ARHGEF3: variants seen among roughly 807,000 people sequenced by gnomAD.
The protein encoded by ARHGEF3 is 59.8 kDA protein.
Under a neutral mutation model 63.2 loss-of-function variants are expected in ARHGEF3, and 28 were observed. The observed-to-expected ratio is 0.44, with a 90% CI of 0.33 to 0.61. The LOEUF is 0.61. Ranked by LOEUF, ARHGEF3 falls within the 20% of genes least tolerant of loss-of-function variation. The pLI is 0.03. For missense variants in ARHGEF3, 533 were observed against 659.3 expected (o/e 0.81, Z 2.10); for synonymous variants, 266 against 254.2 (o/e 1.05, Z -0.44).
At chr3:56,948,732 C>G (rs1486939991) in intron 3 of ARHGEF3, among the ~76,000 whole-genome samples, 2 of 152,174 alleles carry the variant, frequency 1.3e-5, no homozygotes, top group Non-Finnish European at 2.9e-5. Context: ...CCTTCTGAAA[C>G]TATTCCAATC....
In ARHGEF3 at chr3:56,729,375, C is replaced by A. The variant is rs2032947052; in HGVS notation, c.1476G>T (p.Glu492Asp). ...CACTCGTGTCCATACTACAGTCTGA[C>A]TCACTGTCCGATTGGTCCATCTGCT... ...KLEQMDQSDS[E>D]SDCSMDTSEV... The change falls in exon 10 of 10, where the codon GAG becomes GAT. Residue 492 changes from glutamate to aspartate, a missense_variant. By Grantham distance (45) the Glu-to-Asp change is conservative. Coordinates refer to ENST00000296315, the MANE Select transcript of ARHGEF3 (RefSeq NM_019555.3). The A allele has an allele frequency of 1.2e-6, 2 of 1,614,046 alleles. No homozygotes were observed. The highest frequency in any genetic ancestry group is 1.3e-5 in the African/African-American group (1 of 74,904).
At chr3:57,073,879 G>C in intron 1 of ARHGEF3, 5 of 1,614,204 alleles carry the variant, frequency 3.1e-6, no homozygotes, top group Non-Finnish European at 4.2e-6. Flanking sequence ...GTCCTGCCAG[G>C]AGCAGCCTCT....
chr3:56,847,151 C>G (rs2039518388), intron 4 of ARHGEF3, among the ~76,000 whole-genome samples: 1 of 152,146 alleles, frequency 6.6e-6, no homozygotes, highest in South Asian at 2.1e-4. Flanking sequence ...ACCTCCCAAG[C>G]TCCCTACATT....
intron 3 of ARHGEF3, among the ~76,000 whole-genome samples, chr3:56,888,883 A>G (rs1673674347): frequency 1.3e-5 from 2 of 151,840 alleles, no homozygotes; most frequent in South Asian, 4.2e-4. Flanking sequence ...AGCCTGGGCA[A>G]TAAGAACGAA....
intron 3 of ARHGEF3, among the ~76,000 whole-genome samples, chr3:56,924,962 C>T (rs952735556): frequency 5.9e-5 from 9 of 152,200 alleles, no homozygotes; most frequent in African/African-American, 2.2e-4. Flanking sequence ...CAGCTGAACC[C>T]CCTACCTGGC....
At chr3:56,933,008 G>A (rs543016920) in intron 3 of ARHGEF3, among the ~76,000 whole-genome samples, 2 of 152,170 alleles carry the variant, frequency 1.3e-5, no homozygotes, top group South Asian at 4.1e-4. Flanking sequence ...GGCAACTAAG[G>A]TGCCATGATT....
At chr3:56,743,600 A>C (rs1212574557) in intron 7 of ARHGEF3, among the ~76,000 whole-genome samples, 1 of 152,206 alleles carries the variant, frequency 6.6e-6, no homozygotes, top group African/African-American at 2.4e-5. Flanking sequence ...AATTACATAA[A>C]GTTGATTTAC....
Position 56,745,261 on chromosome 3 carries a change from C to G in ARHGEF3, c.814G>C (p.Glu272Gln), listed in dbSNP as rs777106552. ...RLVKYPLLLR[E>Q]ILRHTPNDNP... Reference sequence around the variant, plus strand: ...TCATTTGGTGTGTGCCTCAAGATTTCTCGGAGAAGCAGAGGGTATTTTACC... The same window carrying G: ...TCATTTGGTGTGTGCCTCAAGATTTGTCGGAGAAGCAGAGGGTATTTTACC... Residue 272 changes from glutamate (E) to glutamine (Q), a missense_variant, in exon 7 of 10, where the codon GAA (glutamate) becomes CAA (glutamine). Physicochemically the swap from Glu to Gln is conservative, Grantham distance 29 (BLOSUM62 2). Transcript: ENST00000296315. 1 of 1,613,956 alleles carries G rather than the reference C, an allele frequency of 6.2e-7. No homozygotes were observed. Among genetic ancestry groups the G allele is most frequent in the Non-Finnish European group, 8.5e-7 (1 of 1,180,006 alleles).
chr3:57,043,414 T>C (rs9821989), intron 1 of ARHGEF3, among the ~76,000 whole-genome samples: 87,505 of 151,796 alleles, frequency 0.58, 25,659 homozygotes, highest in East Asian at 0.88. Context: ...AGCGCCTGGC[T>C]GCCACTAGCA....
intron 4 of ARHGEF3, among the ~76,000 whole-genome samples, chr3:56,811,014 A>G (rs528059689): frequency 5.9e-5 from 9 of 152,354 alleles, no homozygotes; most frequent in African/African-American, 2.2e-4. Flanking sequence ...TGTAGCATCA[A>G]AACCCAGAAT....
chr3:56,767,462 T>C (rs1019920642), intron 2 of ARHGEF3, among the ~76,000 whole-genome samples: 1 of 151,168 alleles, frequency 6.6e-6, no homozygotes, highest in South Asian at 2.1e-4. Flanking sequence ...CGGGCGCCTA[T>C]AGTCCCAGCT....
intron 3 of ARHGEF3, among the ~76,000 whole-genome samples, chr3:56,944,283 A>G (rs751858002): frequency 6.6e-6 from 1 of 152,184 alleles, no homozygotes; most frequent in Non-Finnish European, 1.5e-5. Context: ...AATCTTCTGT[A>G]AAGGATTCAC....
In ARHGEF3 at chr3:56,948,231, G is replaced by A. The variant is rs562091521; in HGVS notation, c.129+10592C>T. 3.3e-5 allele frequency among the ~76,000 whole-genome samples: 5 copies of A among 152,232 alleles called. No homozygotes were observed. The East Asian group carries it at 9.6e-4, about 29-fold the overall frequency. ...ACAATTAAAAGAACTAGAGAAGCAAGAGCAAACACATTTAAAAGCTAGCAG... is the reference window on the plus strand; with the variant it reads ...ACAATTAAAAGAACTAGAGAAGCAAAAGCAAACACATTTAAAAGCTAGCAG... On this transcript the variant is annotated intron_variant, in intron 3 of 12. Transcript: ENST00000338458.
chr3:57,073,722 T>C (rs1438565832), intron 1 of ARHGEF3: 1 of 1,613,990 alleles, frequency 6.2e-7, no homozygotes, highest in African/African-American at 1.3e-5. Flanking sequence ...GACTTGTGGG[T>C]CCACCTTAGA....
At chr3:56,922,388 G>GAT (rs2042166109) in intron 3 of ARHGEF3, among the ~76,000 whole-genome samples, 1 of 147,906 alleles carries the variant, frequency 6.8e-6, no homozygotes, top group African/African-American at 2.5e-5. Context: ...CTGATTAGCT[G>GAT]ATATCTATCA....
At chr3:56,878,528 G>C (rs2040666169) in intron 4 of ARHGEF3, among the ~76,000 whole-genome samples, 1 of 152,128 alleles carries the variant, frequency 6.6e-6, no homozygotes, top group East Asian at 1.9e-4. Context: ...TGGGAGTTGA[G>C]GGTCAGAAAA....
At chr3:56,838,702 C>T (rs554694601) in intron 4 of ARHGEF3, among the ~76,000 whole-genome samples, 1 of 152,100 alleles carries the variant, frequency 6.6e-6, no homozygotes, top group East Asian at 1.9e-4. Context: ...AATACTATGA[C>T]GAGCTGACCT....
chr3:56,897,250 G>T (rs867176102), intron 3 of ARHGEF3, among the ~76,000 whole-genome samples: 30 of 152,098 alleles, frequency 2.0e-4, no homozygotes, highest in Admixed American at 5.9e-4. Context: ...CTACAACCTG[G>T]TGCCTGTGTC....
intron 4 of ARHGEF3, among the ~76,000 whole-genome samples, chr3:56,857,818 TC>T (rs2039937326): frequency 6.6e-6 from 1 of 152,156 alleles, no homozygotes; most frequent in African/African-American, 2.4e-5. Flanking sequence ...ACAGGCACAA[TC>T]GTAGCACACT....
Sources: gnomAD v4.1 joint callset for allele counts (sites outside exome capture counted in the v4.1 genomes callset) on GRCh38, gnomAD v4.1.1 for gene constraint, MANE v1.5 for transcripts, NCBI Gene and HGNC (gene_info 2026-07-23, HGNC 2026-07-21) for gene names.